Variants in FAM117A observed in about 807,000 individuals in gnomAD.
The protein encoded by FAM117A is family with sequence similarity 117 member A, also known as protein FAM117A.
Under a neutral mutation model 44.1 loss-of-function variants are expected in FAM117A, and 21 were observed. The ratio of observed to expected loss-of-function variants is 0.48; its 90% CI spans 0.34 to 0.69. The LOEUF (loss-of-function observed/expected upper bound fraction) is 0.69, where lower values mean the gene tolerates loss of function less well. FAM117A is among the 30% of genes least tolerant of loss of function. The pLI is 0.01. For synonymous variants in FAM117A, 220 were observed against 238.3 expected (o/e 0.92, Z 0.71); for missense variants, 498 against 589.9 (o/e 0.84, Z 1.61).
At chr17:49,722,126 G>A (rs1047034335) in intron 3 of FAM117A, among the ~76,000 whole-genome samples, 1 of 152,094 alleles carries the variant, frequency 6.6e-6, no homozygotes, top group African/African-American at 2.4e-5. Context: ...AAAACTAGAT[G>A]AGTAGTTAAG....
rs772128488 is a variant in FAM117A at position 49,719,881 on chromosome 17, C to G, written c.587G>C (p.Ser196Thr). The G allele has an allele frequency of 5.0e-6, 8 of 1,603,652 alleles. No homozygotes were observed. In the Admixed American group the frequency reaches 5.2e-5, roughly 10 times the overall value. Residue 196 changes from serine (S) to threonine (T), a missense_variant, in exon 5 of 8, where the codon AGC becomes ACC. Ser to Thr is a moderately conservative substitution (Grantham distance 58). This residue lies in a region of FAM117A where 270 missense variants were observed against 277.4 expected (regional missense o/e 0.97). Transcript: ENST00000240364. ...CAAGACAGGGGACCCTGAGGGGAAG[C>G]TGGGAGGGGACGCCTGAGGAAGAGG... is the stretch of plus-strand genomic sequence containing the variant. Reference protein sequence around the residue: ...VRGALRASPPSFPSGSPVLRL... With the variant: ...VRGALRASPPTFPSGSPVLRL...
chr17:49,756,610 C>CAA (rs142459710), intron 1 of FAM117A, among the ~76,000 whole-genome samples: 6 of 116,420 alleles, frequency 5.2e-5, no homozygotes, highest in Admixed American at 1.8e-4. Context: ...CCCCATCTCT[C>CAA]AAAAAAAAAA....
chr17:49,729,422 G>A (rs1308444364), intron 2 of FAM117A, among the ~76,000 whole-genome samples: 1 of 151,740 alleles, frequency 6.6e-6, no homozygotes, highest in Non-Finnish European at 1.5e-5. Context: ...GACTAGAAGA[G>A]AAAGGGCAAA....
chr17:49,724,587 C>T lies in FAM117A; in HGVS notation c.367-1993G>A, dbSNP rs555122460. 104 of 426,010 alleles carry T rather than the reference C, an allele frequency of 2.4e-4. 1 individual carries two copies. The highest frequency in any genetic ancestry group is 1.6e-3 in the South Asian group (98 of 59,670). 26.4% of individuals were successfully genotyped at this position (426,010 alleles called of 1,614,324 possible). A position where few individuals can be genotyped will look rare whatever the true frequency, so the allele number is the denominator to read the frequency against. On this transcript the variant is annotated intron_variant, in intron 2 of 7. Coordinates refer to ENST00000240364, the MANE Select transcript of FAM117A (RefSeq NM_030802.4). ...GTGGCTCATGCCTGTAATCCCAACA[C>T]TTTGGGAGACTGAGGCGGGTGGATC...
chr17:49,711,401 C>G lies in FAM117A; in HGVS notation c.1216G>C (p.Gly406Arg). The change falls in exon 8 of 8, where the codon GGA becomes CGA. Residue 406 changes from glycine (G) to arginine (R), a missense_variant. By Grantham distance (125) the Gly-to-Arg change is moderately radical. Around this residue, in one of 3 missense-constraint regions of FAM117A, gnomAD observed 224 missense variants for 296.5 expected, o/e 0.76. Transcript: ENST00000240364. Reference sequence around the variant, plus strand: ...GGGCTGGCCGGGGGAAGGGGAGATCCCGGGTTTGAGGGGCAGTTACGGAAG... The same window carrying G: ...GGGCTGGCCGGGGGAAGGGGAGATCGCGGGTTTGAGGGGCAGTTACGGAAG... ...FIFRNCPSNP[G>R]SPLPPASPRP... The G allele has an allele frequency of 6.2e-7, 1 of 1,612,884 alleles. No homozygotes were observed. The highest frequency in any genetic ancestry group is 1.1e-5 in the South Asian group (1 of 90,994).
chr17:49,720,806 A>G (rs1439958329), intron 3 of FAM117A, among the ~76,000 whole-genome samples: 1 of 151,488 alleles, frequency 6.6e-6, no homozygotes, highest in Admixed American at 6.6e-5. Context: ...TGCAACCTCC[A>G]CCAGGTTCAA....
chr17:49,732,351 G>C (rs1438572345), intron 2 of FAM117A, 200 bp downstream of exon 2: 2 of 465,216 alleles, frequency 4.3e-6, no homozygotes, highest in Non-Finnish European at 7.7e-6. Flanking sequence ...GTTGCAGTGA[G>C]CCAAGATCGC....
intron 7 of FAM117A, among the ~76,000 whole-genome samples, chr17:49,714,861 G>C (rs1198918565): frequency 6.6e-6 from 1 of 151,754 alleles, no homozygotes; most frequent in Non-Finnish European, 1.5e-5. Flanking sequence ...GGACCAGGCT[G>C]GTCTCAAACT....
chr17:49,762,548 C>T (rs1042675916), intron 1 of FAM117A, among the ~76,000 whole-genome samples: 2 of 152,204 alleles, frequency 1.3e-5, no homozygotes, highest in Non-Finnish European at 2.9e-5. Context: ...AAGCCCATTC[C>T]TACCTAGCAA....
At chr17:49,731,519 C>T (rs1461876787) in intron 2 of FAM117A, among the ~76,000 whole-genome samples, 2 of 152,172 alleles carry the variant, frequency 1.3e-5, no homozygotes, top group Admixed American at 6.5e-5. Context: ...AGATTCTTTC[C>T]GAGCTTGGGA....
chr17:49,714,448 G>A (rs926046877), intron 7 of FAM117A, among the ~76,000 whole-genome samples: 5 of 149,818 alleles, frequency 3.3e-5, no homozygotes, highest in East Asian at 3.9e-4. Flanking sequence ...AGCAATTCTC[G>A]TGCCTCAGCC....
At chr17:49,736,230 C>T (rs1331610204) in intron 1 of FAM117A, among the ~76,000 whole-genome samples, 2 of 151,424 alleles carry the variant, frequency 1.3e-5, no homozygotes, top group African/African-American at 4.8e-5. Flanking sequence ...ATTAACATTC[C>T]TAGGTTAAAC....
Position 49,717,574 on chromosome 17 carries a change from C to T in FAM117A, c.849G>A (p.Leu283=), listed in dbSNP as rs1465451480. The change falls in exon 6 of 8, where the codon CTG becomes CTA. Residue 283 remains leucine, a synonymous_variant. Coordinates refer to ENST00000240364, the MANE Select transcript of FAM117A (RefSeq NM_030802.4). ...MSLASPQPCG[L]ASHEEHRGAA... ...CACCCCGATGTTCCTCATGACTGGC[C>T]AGGCCACAAGGCTGGGGAGATGCCA... The T allele has an allele frequency of 5.6e-6, 9 of 1,613,984 alleles. No individual in the cohort carries two copies. Among genetic ancestry groups the T allele is most frequent in the Middle Eastern group, 1.6e-4 (1 of 6,084 alleles).
intron 1 of FAM117A, among the ~76,000 whole-genome samples, chr17:49,745,013 C>CAAAA (rs34358343): frequency 1.2e-3 from 88 of 71,776 alleles, no homozygotes; most frequent in African/African-American, 2.0e-3. Context: ...GACTCTGTCT[C>CAAAA]AAAAAAAAAA....
intron 1 of FAM117A, among the ~76,000 whole-genome samples, chr17:49,787,068 A>C (rs1002309514): frequency 6.6e-6 from 1 of 152,156 alleles, no homozygotes; most frequent in Non-Finnish European, 1.5e-5. Flanking sequence ...TGGGCAACAC[A>C]GCAAGACTCT....
chr17:49,712,471 A>G (rs905463505), intron 7 of FAM117A, among the ~76,000 whole-genome samples: 2 of 152,332 alleles, frequency 1.3e-5, no homozygotes, highest in South Asian at 2.1e-4. Context: ...TAAAGAATCT[A>G]ATTGTTGGGC....
At chr17:49,755,955 AGGGT>A (rs551401951) in intron 1 of FAM117A, among the ~76,000 whole-genome samples, 49 of 152,332 alleles carry the variant, frequency 3.2e-4, no homozygotes, top group Middle Eastern at 3.4e-3. Context: ...TTCAAGCTGC[AGGGT>A]GAGTTCCATT....
intron 1 of FAM117A, among the ~76,000 whole-genome samples, chr17:49,745,032 A>AAAAC (rs1555596754): frequency 4.1e-5 from 6 of 147,410 alleles, no homozygotes; most frequent in Admixed American, 3.4e-4. Flanking sequence ...AAAAAAAAAA[A>AAAAC]ACACACACAC....
chr17:49,733,823 T>C lies in FAM117A; in HGVS notation c.197-1103A>G, dbSNP rs557642188. On this transcript the variant is annotated intron_variant, in intron 1 of 7. Coordinates refer to ENST00000240364, the MANE Select transcript of FAM117A (RefSeq NM_030802.4). ...TCATCTAAGTTGACCCTGTTTTCCA[T>C]GGCCACATTCAAAACACTCTACTAT... 1.9e-4 allele frequency among the ~76,000 whole-genome samples: 29 copies of C among 152,046 alleles called. 1 individual carries two copies. The highest frequency in any genetic ancestry group is 1.3e-3 in the Admixed American group (20 of 15,270).
Sources: allele counts gnomAD v4.1 joint callset (sites outside exome capture counted in the v4.1 genomes callset), GRCh38; gene constraint gnomAD v4.1.1; regional missense constraint gnomAD v4.1.1; transcripts MANE v1.5; gene names NCBI Gene and HGNC (gene_info 2026-07-23, HGNC 2026-07-21).